The following ELMO1 variants were observed in gnomAD, a reference collection of about 807,000 sequenced individuals.
ELMO1 encodes engulfment and cell motility protein 1.
A neutral mutation model predicts 98.9 loss-of-function variants in ELMO1; 26 were observed. The ratio of observed to expected loss-of-function variants is 0.26; its 90% confidence interval spans 0.19 to 0.36. The LOEUF is 0.36. Ranked by LOEUF, ELMO1 falls within the 10% of genes least tolerant of loss-of-function variation. ELMO1 has a pLI of 1.00. For synonymous variants in ELMO1, 346 were observed against 346.0 expected (o/e 1.00, Z 0.00); for missense variants, 627 against 935.2 (o/e 0.67, Z 4.30).
chr7:36,884,795 C>T (rs113636692), intron 18 of ELMO1, among the ~76,000 whole-genome samples: 335 of 152,278 alleles, frequency 2.2e-3, no homozygotes, highest in African/African-American at 7.8e-3. Context: ...GCTGTAAGTT[C>T]TTTCATATTT....
intron 17 of ELMO1, among the ~76,000 whole-genome samples, chr7:36,888,241 A>G (rs192269565): frequency 1.1e-3 from 167 of 152,376 alleles, no homozygotes; most frequent in Non-Finnish European, 1.8e-3. Flanking sequence ...ATGATGGGAA[A>G]AATGAAAGAT....
In ELMO1 at chr7:37,097,035, A is replaced by G. The variant is rs188622844; in HGVS notation, c.1192-308T>C. ...TAAAGACTTTTTCACTTCAGTGACCAAACAACTCTCTTGTCCTCCCATTTC... is the reference window on the plus strand; with the variant it reads ...TAAAGACTTTTTCACTTCAGTGACCGAACAACTCTCTTGTCCTCCCATTTC... On this transcript the variant is annotated intron_variant, in intron 14 of 21. Transcript: ENST00000310758. Among the ~76,000 whole-genome samples the G allele has an allele frequency of 2.5e-3, 378 of 152,332 alleles. 13 individuals carry two copies. Among genetic ancestry groups the G allele is most frequent in the Admixed American group, 0.025 (377 of 15,298 alleles).
At chr7:37,135,056 A>G (rs1787179004) in intron 13 of ELMO1, among the ~76,000 whole-genome samples, 1 of 152,220 alleles carries the variant, frequency 6.6e-6, no homozygotes. Flanking sequence ...AAATTTACCC[A>G]AATAAAAAAT....
intron 1 of ELMO1, among the ~76,000 whole-genome samples, chr7:37,405,191 C>T (rs1407396483): frequency 7.0e-6 from 1 of 142,512 alleles, no homozygotes; most frequent in Non-Finnish European, 1.5e-5. Context: ...GCTTTTTATA[C>T]TTCAAGACCA....
chr7:37,404,098 G>A (rs1036432136), intron 1 of ELMO1, among the ~76,000 whole-genome samples: 6 of 151,966 alleles, frequency 3.9e-5, no homozygotes, highest in Admixed American at 2.6e-4. Context: ...AAAAAAGCAA[G>A]AGAAAATGAG....
At position 36,870,343 on chromosome 7, in the gene ELMO1, C is replaced by A; in HGVS notation, c.1905+50G>T. 8 of 1,583,350 alleles carry A rather than the reference C, an allele frequency of 5.1e-6. No individual in the cohort carries two copies. The highest frequency in any genetic ancestry group is 1.7e-4 in the Middle Eastern group (1 of 5,984). ...AGGAGGGCTAGGCTGGCTGCAGTTG[C>A]CGACCGCACTGGGCAAATAGAGCTA... On this transcript the variant is annotated intron_variant, in intron 20 of 21. Transcript: ENST00000310758. This position sits in a 1 kb window ranked among gnomAD's most constrained non-coding sequence, Gnocchi z 4.4.
rs796823446 is a variant in ELMO1, at chr7:36,878,996, G to A, written c.1715-879C>T. Among the ~76,000 whole-genome samples the A allele has an allele frequency of 2.0e-5, 3 of 152,232 alleles. No individual in the cohort carries two copies. In the South Asian group the frequency reaches 6.2e-4, roughly 32 times the overall value. ...CGAAGGGCCTCTCCCCATCCTCTGA[G>A]ATGTTCTACAGTCTTCTTTGCACCA... On this transcript the variant is annotated intron_variant, in intron 18 of 21. Coordinates refer to ENST00000310758, the MANE Select transcript of ELMO1 (RefSeq NM_014800.11).
rs765077844 is a variant in ELMO1, at chr7:37,216,640, C to T, written c.831+5G>A. On this transcript the variant is annotated splice_donor_5th_base_variant and intron_variant, in intron 11 of 21. Transcript: ENST00000310758. The stretch of plus-strand genomic sequence containing the variant: ...ACAAAGAGGTCACAGCGCATAGGTA[C>T]TCACTGTTAAAATGATGGAACGCAG... The T allele has an allele frequency of 6.2e-7, 1 of 1,614,100 alleles. No homozygotes were observed. The highest frequency in any genetic ancestry group is 1.1e-5 in the South Asian group (1 of 91,084).
chr7:37,201,127 T>C lies in ELMO1; in HGVS notation c.1086+10259A>G, dbSNP rs538380315. 6.8e-4 allele frequency among the ~76,000 whole-genome samples: 103 copies of C among 152,152 alleles called. 1 individual carries two copies. The highest frequency in any genetic ancestry group is 2.3e-3 in the African/African-American group (95 of 41,510). On this transcript the variant is annotated intron_variant, in intron 13 of 21. Transcript: ENST00000310758. ...CCAGAAATGGCTACTGTTTAAAAAATTGAAAAATGATTCTAAAAGATTCTA... is the reference window on the plus strand; with the variant it reads ...CCAGAAATGGCTACTGTTTAAAAAACTGAAAAATGATTCTAAAAGATTCTA...
chr7:37,087,632 C>T (rs1783859569), intron 15 of ELMO1, among the ~76,000 whole-genome samples: 1 of 152,148 alleles, frequency 6.6e-6, no homozygotes, highest in African/African-American at 2.4e-5. Flanking sequence ...TTCCCTGAGA[C>T]AAATGAATAT....
chr7:37,080,600 ATTTTTTTT>A (rs764259726), intron 15 of ELMO1, among the ~76,000 whole-genome samples: 2,307 of 105,222 alleles, frequency 0.022, 82 homozygotes, highest in African/African-American at 0.086. Context: ...ACCACGCCTA[ATTTTTTTT>A]TTTTTTTTTT....
rs936363174 is a variant in ELMO1 at position 37,294,474 on chromosome 7, G to A, written c.192+20376C>T. 5.3e-5 allele frequency among the ~76,000 whole-genome samples: 8 copies of A among 152,070 alleles called. No individual in the cohort carries two copies. In the South Asian group the frequency reaches 8.3e-4, roughly 16 times the overall value. On this transcript the variant is annotated intron_variant, in intron 4 of 21. Coordinates refer to ENST00000310758, the MANE Select transcript of ELMO1 (RefSeq NM_014800.11). ...CGGGAATAGAAAAGCTGATAATTGC[G>A]GGTGGGACTGCAAGCTAGTAGAACC...
Position 37,437,696 on chromosome 7 carries a change from G to T in ELMO1, c.-74+10979C>A, listed in dbSNP as rs1335286113. On this transcript the variant is annotated intron_variant, in intron 1 of 21. Coordinates refer to ENST00000310758, the MANE Select transcript of ELMO1 (RefSeq NM_014800.11). ...TTTTGAAATATACAATAGGCCGGGC[G>T]CGGTGGCTCACGCCTGTAATCCCAG... Among the ~76,000 whole-genome samples, 4 of 10,934 alleles carry T rather than the reference G, an allele frequency of 3.7e-4. 2 individuals are homozygous for T. The highest frequency in any genetic ancestry group is 1.0e-3 in the Non-Finnish European group (4 of 3,966). The allele number at this position is 10,934 out of a possible 152,430, so 7.2% of individuals were successfully genotyped here.
intron 13 of ELMO1, among the ~76,000 whole-genome samples, chr7:37,191,549 AC>A: frequency 6.6e-6 from 1 of 152,100 alleles, no homozygotes; most frequent in African/African-American, 2.4e-5. Flanking sequence ...TGTTCATGGA[AC>A]CCCTTCTTGT....
At chr7:37,215,152 G>A (rs1005102903) in intron 11 of ELMO1, among the ~76,000 whole-genome samples, 2 of 152,186 alleles carry the variant, frequency 1.3e-5, no homozygotes, top group African/African-American at 2.4e-5. Context: ...TATCTTTCCC[G>A]AAGAACTGGG....
At chr7:37,048,899 A>C (rs1436030628) in intron 15 of ELMO1, among the ~76,000 whole-genome samples, 1 of 152,140 alleles carries the variant, frequency 6.6e-6, no homozygotes, top group Non-Finnish European at 1.5e-5. Flanking sequence ...ACATTTCTTG[A>C]TGTGGGCAGC....
intron 14 of ELMO1, among the ~76,000 whole-genome samples, chr7:37,105,422 G>A (rs1241809594): frequency 1.3e-5 from 2 of 152,188 alleles, no homozygotes; most frequent in Non-Finnish European, 2.9e-5. Context: ...TGGCCCCAAG[G>A]ATGGGTACAG....
intron 12 of ELMO1, among the ~76,000 whole-genome samples, chr7:37,212,287 A>C (rs1205000769): frequency 1.3e-5 from 2 of 152,176 alleles, no homozygotes; most frequent in Non-Finnish European, 2.9e-5. Context: ...AGATAAAAAG[A>C]GTTCTGGAGA....
At position 37,188,487 on chromosome 7, in the gene ELMO1, T is replaced by TAAAAA. The variant is rs869157346; in HGVS notation, c.1086+22894_1086+22898dup. Among the ~76,000 whole-genome samples, 49 of 32,034 alleles carry TAAAAA rather than the reference T, an allele frequency of 1.5e-3. 2 individuals carry two copies. The highest frequency in any genetic ancestry group is 0.013 in the Middle Eastern group (1 of 78). 21.0% of individuals were successfully genotyped at this position (32,034 alleles called of 152,430 possible). Reference sequence around the variant, plus strand: ...ACACACACAGGCCACTGGAGAAAGGTAAAAAAAAAAAAAAAATAATAATAA... The same window carrying TAAAAA: ...ACACACACAGGCCACTGGAGAAAGGTAAAAAAAAAAAAAAAAAAAAATAATAATAA... On this transcript the variant is annotated intron_variant, in intron 13 of 21. Coordinates refer to ENST00000310758, the MANE Select transcript of ELMO1 (RefSeq NM_014800.11).
Sources: allele counts gnomAD v4.1 joint callset (sites outside exome capture counted in the v4.1 genomes callset), GRCh38; gene constraint gnomAD v4.1.1; non-coding constraint Gnocchi (gnomAD v3.1); transcripts MANE v1.5; gene names NCBI Gene and HGNC (gene_info 2026-07-23, HGNC 2026-07-21).